The following MTMR4 variants were observed in gnomAD, a reference collection of about 807,000 sequenced individuals.
MTMR4 encodes the protein myotubularin related protein 4, also known as phosphatidylinositol-3,5-bisphosphate 3-phosphatase MTMR4.
MTMR4 carries 30 observed loss-of-function variants against 125.5 expected under a neutral mutation model. The ratio of observed to expected loss-of-function variants is 0.24; its 90% confidence interval spans 0.18 to 0.32. The LOEUF is 0.32. MTMR4 is among the 10% of genes least tolerant of loss of function. The pLI is 1.00. For missense variants in MTMR4, 1,039 were observed against 1,511.5 expected (o/e 0.69, Z 5.18); for synonymous variants, 498 against 564.5 (o/e 0.88, Z 1.67).
intron 15 of MTMR4, among the ~76,000 whole-genome samples, chr17:58,494,280 G>A (rs1329823434): frequency 7.2e-6 from 1 of 139,624 alleles, no homozygotes; most frequent in Non-Finnish European, 1.5e-5. Context: ...GAGATTGCAC[G>A]ACTGCACTCC....
intron 1 of MTMR4, among the ~76,000 whole-genome samples, chr17:58,513,160 C>T (rs1322898735): frequency 2.6e-5 from 4 of 151,994 alleles, no homozygotes; most frequent in Admixed American, 2.6e-4. Context: ...GAGTGAGGCC[C>T]CAGGAGGAAT....
chr17:58,512,282 G>A lies in MTMR4; in HGVS notation c.252+108C>T, dbSNP rs899404829. ...ATTACAGGCGTGAGCCACTGCGCCC[G>A]GCCTCCAACTTTTTTAATGACATGA... On this transcript the variant is annotated intron_variant, in intron 3 of 17. Transcript: ENST00000682306. This position sits in a 1 kb window ranked among gnomAD's most constrained non-coding sequence, Gnocchi z 4.1. The A allele has an allele frequency of 3.1e-5, 30 of 981,408 alleles. No individual in the cohort carries two copies. The highest frequency in any genetic ancestry group is 2.1e-4 in the African/African-American group (13 of 62,638). 60.8% of individuals were successfully genotyped at this position (981,408 alleles called of 1,614,324 possible).
chr17:58,499,422 C>T (rs1019851865), intron 14 of MTMR4, among the ~76,000 whole-genome samples: 2 of 152,002 alleles, frequency 1.3e-5, no homozygotes, highest in Admixed American at 6.6e-5. Flanking sequence ...TGGCACACAC[C>T]TGTAATCCCA....
intron 9 of MTMR4, among the ~76,000 whole-genome samples, chr17:58,506,271 G>A (rs576221956): frequency 1.3e-5 from 2 of 152,120 alleles, no homozygotes; most frequent in Admixed American, 6.6e-5. Context: ...CAACCTCTGC[G>A]TCCCAGATGC....
At position 58,496,261 on chromosome 17, in the gene MTMR4, T is replaced by G; in HGVS notation, c.1923A>C (p.Thr641=). The G allele has an allele frequency of 6.2e-7, 1 of 1,614,050 alleles. No homozygotes were observed. The highest frequency in any genetic ancestry group is 8.5e-7 in the Non-Finnish European group (1 of 1,179,992). ...GGTTATTCAGGTTAGGGTCACTGGA[T>G]GTACGAGTCAGGGGGCTGCTTGTGT... ...ACDTSSPLTR[T]SSDPNLNNHC... The change falls in exon 15 of 18, where the codon ACA becomes ACC. Residue 641 remains threonine (T), a synonymous_variant. Coordinates refer to ENST00000682306, the MANE Select transcript of MTMR4 (RefSeq NM_001378067.1).
chr17:58,510,836 C>G (rs1157308515), intron 4 of MTMR4: 1 of 152,216 alleles, frequency 6.6e-6, no homozygotes, highest in African/African-American at 2.4e-5. Context: ...CTTGGCCACC[C>G]GAAGTGCTGG....
chr17:58,502,213 G>A (rs1407871429), intron 14 of MTMR4, among the ~76,000 whole-genome samples: 6 of 143,180 alleles, frequency 4.2e-5, no homozygotes, highest in Admixed American at 7.2e-5. Context: ...GCTGGAGTGC[G>A]TGGCGTGATC....
chr17:58,506,027 T>C (rs907336915), intron 9 of MTMR4, among the ~76,000 whole-genome samples: 9 of 152,104 alleles, frequency 5.9e-5, no homozygotes, highest in Non-Finnish European at 5.9e-5. Context: ...CTAAATACAG[T>C]CTTGAAATCT....
chr17:58,495,469 T>C lies in MTMR4; in HGVS notation c.2715A>G (p.Pro905=). Residue 905 remains proline (P), a synonymous_variant, in exon 15 of 18, where the codon CCA becomes CCG. Coordinates refer to ENST00000682306, the MANE Select transcript of MTMR4 (RefSeq NM_001378067.1). ...ACTCACTGATCTGGCTCTGAGAAAT[T>C]GGCTTCCGGACCAATTCCAATGGCA... ...GKMPLELVRK[P]ISQSQISEFS... The C allele has an allele frequency of 6.2e-7, 1 of 1,614,246 alleles. No homozygotes were observed. Among genetic ancestry groups the C allele is most frequent in the Non-Finnish European group, 8.5e-7 (1 of 1,180,044 alleles).
At chr17:58,502,061 A>T (rs1023391040) in intron 14 of MTMR4, among the ~76,000 whole-genome samples, 1 of 151,746 alleles carries the variant, frequency 6.6e-6, no homozygotes, top group African/African-American at 2.4e-5. Context: ...TCTGTCAAAA[A>T]CAAAAAAACA....
chr17:58,508,585 T>C lies in MTMR4; in HGVS notation c.497-21A>G, dbSNP rs553629459. The C allele has an allele frequency of 1.9e-5, 31 of 1,614,192 alleles. No homozygotes were observed. In the South Asian group the frequency reaches 3.4e-4, roughly 18 times the overall value. On this transcript the variant is annotated intron_variant, in intron 5 of 17. Coordinates refer to ENST00000682306, the MANE Select transcript of MTMR4 (RefSeq NM_001378067.1). This position sits in a 1 kb window ranked among gnomAD's most constrained non-coding sequence, Gnocchi z 4.8. Reference sequence around the variant, plus strand: ...CTCACCTGCAACAGAGCCCCCACGATGGTTAGCTTCCCAGAGCACCAATGT... The same window carrying C: ...CTCACCTGCAACAGAGCCCCCACGACGGTTAGCTTCCCAGAGCACCAATGT...
chr17:58,517,311 C>T (rs575209274), upstream of MTMR4, among the ~76,000 whole-genome samples: 1 of 152,302 alleles, frequency 6.6e-6, no homozygotes, highest in East Asian at 1.9e-4. Flanking sequence ...AGGATAGGGC[C>T]TCCTAGGCTC....
intron 14 of MTMR4, among the ~76,000 whole-genome samples, chr17:58,500,132 C>T (rs754626523): frequency 2.6e-5 from 4 of 151,954 alleles, no homozygotes; most frequent in Non-Finnish European, 5.9e-5. Flanking sequence ...GAACTACACA[C>T]ATTTGTTTTT....
chr17:58,493,051 C>T (rs1975356374), intron 15 of MTMR4, 99 bp from the exon 16 acceptor site: 1 of 830,160 alleles, frequency 1.2e-6, no homozygotes, highest in African/African-American at 1.7e-5. Context: ...CACACATGAA[C>T]TTATTTCTTA....
Position 58,495,544 on chromosome 17 carries a change from T to G in MTMR4, c.2640A>C (p.Arg880Ser), listed in dbSNP as rs763099835. ...ATAACTGCCCATTCCTATTATTTCC[T>G]CTTTTACCAATGTCTTCCTCCCCAT... is the stretch of plus-strand genomic sequence containing the variant. ...LTHGEEDIGK[R>S]GNNRNGQLLE... Residue 880 changes from arginine to serine, a missense_variant, in exon 15 of 18, where the codon AGA becomes AGC. Around this residue, in one of 6 missense-constraint regions of MTMR4, gnomAD observed 619 missense variants for 714.5 expected, o/e 0.87. Coordinates refer to ENST00000682306, the MANE Select transcript of MTMR4 (RefSeq NM_001378067.1). 1.1e-5 allele frequency: 17 copies of G among 1,614,078 alleles called. No individual in the cohort carries two copies. The African/African-American group carries it at 2.3e-4, about 22-fold the overall frequency.
At chr17:58,510,234 C>A (rs148742929) in intron 4 of MTMR4, among the ~76,000 whole-genome samples, 167 of 152,290 alleles carry the variant, frequency 1.1e-3, no homozygotes, top group African/African-American at 3.9e-3. Flanking sequence ...TTCATGACAG[C>A]CAAAGTGTCT....
intron 4 of MTMR4, among the ~76,000 whole-genome samples, chr17:58,510,185 T>G (rs1359497779): frequency 6.6e-6 from 1 of 152,208 alleles, no homozygotes; most frequent in African/African-American, 2.4e-5. Context: ...CTCAAAATCC[T>G]CCAGTGGTTT....
At chr17:58,513,036 C>T in intron 1 of MTMR4, 95 bp from the exon 2 acceptor site, 2 of 847,948 alleles carry the variant, frequency 2.4e-6, no homozygotes, top group Non-Finnish European at 2.0e-6. Flanking sequence ...CAGATACCCA[C>T]ACACACACAC....
In MTMR4 at chr17:58,500,747, C is replaced by CAA. The variant is rs60355286; in HGVS notation, c.1853+2995_1853+2996dup. Among the ~76,000 whole-genome samples the CAA allele has an allele frequency of 3.7e-3, 340 of 92,088 alleles. 4 individuals are homozygous for CAA. The highest frequency in any genetic ancestry group is 8.3e-3 in the African/African-American group (192 of 23,080). 60.4% of individuals were successfully genotyped at this position (92,088 alleles called of 152,430 possible). A position where few individuals can be genotyped will look rare whatever the true frequency, so the allele number is the denominator to read the frequency against. ...CCGGTGACAGAGCGAGATTCTGTCT[C>CAA]AAAAAAAAAAAAAAAAAAAAAAAAG... is the stretch of plus-strand genomic sequence containing the variant. On this transcript the variant is annotated intron_variant, in intron 14 of 17. Coordinates refer to ENST00000682306, the MANE Select transcript of MTMR4 (RefSeq NM_001378067.1).
Sources: gnomAD v4.1 joint callset for allele counts (sites outside exome capture counted in the v4.1 genomes callset) on GRCh38, gnomAD v4.1.1 for gene constraint, gnomAD v4.1.1 regional missense constraint, Gnocchi (gnomAD v3.1) non-coding constraint, MANE v1.5 for transcripts, NCBI Gene and HGNC (gene_info 2026-07-23, HGNC 2026-07-21) for gene names.